The following PEX2 variants were observed in gnomAD, a reference collection of about 807,000 sequenced individuals.
PEX2 encodes the protein peroxisome biogenesis factor 2.
A neutral mutation model predicts 25.2 loss-of-function variants in PEX2; 19 were observed. The observed-to-expected ratio is 0.75, with a 90% confidence interval of 0.53 to 1.10. PEX2 has a LOEUF of 1.10. Among genes scored for constraint, PEX2 ranks in the 50% least tolerant of loss-of-function variants. The probability of loss-of-function intolerance (pLI) is 0.00; values close to 1 mark genes in which losing one functional copy is unlikely to be tolerated. For missense variants in PEX2, 347 were observed against 350.6 expected, an observed-to-expected ratio of 0.99 and a Z score of 0.08; for synonymous variants, 141 against 127.7, an observed-to-expected ratio of 1.10 and a Z score of -0.70.
intron 1 of PEX2, chr8:76,999,655 GA>G (rs1244403315): frequency 2.8e-6 from 1 of 362,494 alleles, no homozygotes; most frequent in Admixed American, 3.8e-5. Context: ...CCGTTTATAA[GA>G]GGTAAATATC....
In PEX2 at chr8:76,982,857, A is replaced by C. The variant is rs1278814154; in HGVS notation, c.*404T>G. The stretch of plus-strand genomic sequence containing the variant: ...CTGAGGCATCAGGTCTTAAGGTTTA[A>C]AACAGTCTCATAATTGTCACATTAT... On this transcript the variant is annotated 3_prime_UTR_variant, in exon 4 of 4. Coordinates refer to ENST00000357039, the MANE Select transcript of PEX2 (RefSeq NM_000318.3). 4.3e-6 allele frequency: 1 copy of C among 232,636 alleles called. No homozygotes were observed. Among genetic ancestry groups the C allele is most frequent in the Admixed American group, 5.3e-5 (1 of 18,710 alleles). The allele number at this position is 232,636 out of a possible 1,614,324, so 14.4% of individuals were successfully genotyped here.
At chr8:76,997,024 AT>A (rs1807353401) in intron 1 of PEX2, among the ~76,000 whole-genome samples, 2 of 152,226 alleles carry the variant, frequency 1.3e-5, no homozygotes, top group Non-Finnish European at 2.9e-5. Context: ...CTCAAAAGAA[AT>A]CTTTTTCCCC....
chr8:76,983,850 G>A lies in PEX2; in HGVS notation c.329C>T (p.Thr110Ile), dbSNP rs1300654495. 1 of 1,614,104 alleles carries A rather than the reference G, an allele frequency of 6.2e-7. No homozygotes were observed. The highest frequency in any genetic ancestry group is 8.5e-7 in the Non-Finnish European group (1 of 1,179,996). ...TTCTTCTAACCACCTGCCACCAATT[G>A]TACAAACAGCATACCAGATTTTTTG... ...KNQKIWYAVC[T>I]IGGRWLEERC... Residue 110 changes from threonine to isoleucine, a missense_variant, in exon 4 of 4, where the codon ACA becomes ATA. Coordinates refer to ENST00000357039, the MANE Select transcript of PEX2 (RefSeq NM_000318.3).
intron 1 of PEX2, among the ~76,000 whole-genome samples, chr8:76,994,079 G>C (rs1192273079): frequency 6.6e-6 from 1 of 152,058 alleles, no homozygotes; most frequent in Non-Finnish European, 1.5e-5. Flanking sequence ...ACTATTAAAA[G>C]GGTCTCCTGC....
chr8:76,986,696 C>A (rs4735749), intron 2 of PEX2, among the ~76,000 whole-genome samples: 78,069 of 152,056 alleles, frequency 0.51, 21,334 homozygotes, highest in Admixed American at 0.63. Flanking sequence ...AAAACTCATA[C>A]TAAGATTTTA....
At chr8:76,991,063 T>C (rs1170619291) in intron 1 of PEX2, among the ~76,000 whole-genome samples, 1 of 152,196 alleles carries the variant, frequency 6.6e-6, no homozygotes, top group Non-Finnish European at 1.5e-5. Context: ...GATGAAATCA[T>C]CAAACTATGC....
At position 76,981,548 on chromosome 8, in the gene PEX2, GCCTC is replaced by G. The variant is rs1229705460; in HGVS notation, c.*1709_*1712del. On this transcript the variant is annotated 3_prime_UTR_variant, in exon 4 of 4. Coordinates refer to ENST00000357039, the MANE Select transcript of PEX2 (RefSeq NM_000318.3). Reference sequence around the variant, plus strand: ...AAACGAACTCAAACTCCTGGGCTCAGCCTCCCTAAGTAGGGAGCCTGGGATTACA... The same window carrying G: ...AAACGAACTCAAACTCCTGGGCTCAGCCTAAGTAGGGAGCCTGGGATTACA... The G allele has an allele frequency of 6.6e-6, 1 of 152,126 alleles. No homozygotes were observed. The highest frequency in any genetic ancestry group is 2.4e-5 in the African/African-American group (1 of 41,430). The allele number at this position is 152,126 out of a possible 1,614,324, so 9.4% of individuals were successfully genotyped here. A position where few individuals can be genotyped will look rare whatever the true frequency, so the allele number is the denominator to read the frequency against.
intron 1 of PEX2, among the ~76,000 whole-genome samples, chr8:76,995,793 G>A (rs1012698157): frequency 2.0e-5 from 3 of 152,114 alleles, no homozygotes; most frequent in African/African-American, 4.8e-5. Flanking sequence ...ATGTTGGAGC[G>A]AGTATTGGGG....
chr8:76,980,832 T>A lies in PEX2; in HGVS notation c.*2429A>T, dbSNP rs978697296. 3.9e-5 allele frequency: 6 copies of A among 152,244 alleles called. No homozygotes were observed. The highest frequency in any genetic ancestry group is 1.4e-4 in the African/African-American group (6 of 41,470). The allele number at this position is 152,244 out of a possible 1,614,324, so 9.4% of individuals were successfully genotyped here. On this transcript the variant is annotated 3_prime_UTR_variant, in exon 4 of 4. Coordinates refer to ENST00000357039, the MANE Select transcript of PEX2 (RefSeq NM_000318.3). ...CAGGCATTGTTTTAAGAGCTTTATA[T>A]ACACTAAACATGTAATCCTTACAAT...
At chr8:76,990,478 T>C (rs566668795) in intron 1 of PEX2, among the ~76,000 whole-genome samples, 89 of 152,278 alleles carry the variant, frequency 5.8e-4, no homozygotes, top group African/African-American at 2.0e-3. Flanking sequence ...TCACTAAGCT[T>C]AGCAAAATCT....
At chr8:76,988,441 T>G (rs1439309584) in intron 1 of PEX2, 103 bp from the exon 2 acceptor site, 1 of 152,240 alleles carries the variant, frequency 6.6e-6, no homozygotes, top group South Asian at 2.1e-4. Flanking sequence ...CTATTAAGTG[T>G]GCAATAGCAC....
chr8:76,983,139 G>A lies in PEX2; in HGVS notation c.*122C>T. ...TTAGATTTCAGTCATGCCTGGAAAG[G>A]AGAAGACAGTGGCTAGGAGCACATT... is the stretch of plus-strand genomic sequence containing the variant. On this transcript the variant is annotated 3_prime_UTR_variant, in exon 4 of 4. Transcript: ENST00000357039. 3 of 1,572,746 alleles carry A rather than the reference G, an allele frequency of 1.9e-6. No homozygotes were observed. Among genetic ancestry groups the A allele is most frequent in the South Asian group, 1.2e-5 (1 of 86,598 alleles).
upstream of PEX2, chr8:77,000,873 G>A (rs1001637375): frequency 6.6e-6 from 1 of 152,358 alleles, no homozygotes; most frequent in African/African-American, 2.4e-5. Context: ...TCTGAGGGAA[G>A]AGTGCTCACC....
chr8:76,984,098 CTTG>C lies in PEX2; in HGVS notation c.78_80del (p.Asn26del), dbSNP rs1806932884. ...GGGACCAAACTAGCTGCTCCAGGGC[CTTG>C]TTTAGTTCAAGTGCATCCAACTGGC... On this transcript the variant is annotated inframe_deletion, in exon 4 of 4. Transcript: ENST00000357039. The C allele has an allele frequency of 6.2e-7, 1 of 1,613,486 alleles. No individual in the cohort carries two copies. Among genetic ancestry groups the C allele is most frequent in the Non-Finnish European group, 8.5e-7 (1 of 1,179,736 alleles).
intron 1 of PEX2, among the ~76,000 whole-genome samples, chr8:76,999,611 TAAGTA>T (rs1299586841): frequency 3.3e-5 from 5 of 152,334 alleles, no homozygotes; most frequent in African/African-American, 9.6e-5. Context: ...TTTCAGATAT[TAAGTA>T]AAGTTTGGAT....
upstream of PEX2, chr8:77,000,382 G>GACACTACTAGTGTCGAGC: frequency 6.4e-6 from 1 of 156,028 alleles, no homozygotes; most frequent in Non-Finnish European, 1.4e-5. Flanking sequence ...AAGTGTCGAG[G>GACACTACTAGTGTCGAGC]GGCCTAGGGG....
intron 1 of PEX2, among the ~76,000 whole-genome samples, chr8:76,999,510 G>A (rs4436101): frequency 6.6e-6 from 1 of 152,080 alleles, no homozygotes; most frequent in African/African-American, 2.4e-5. Context: ...TCCTCCATAA[G>A]AAAACCAAAC....
At position 76,982,350 on chromosome 8, in the gene PEX2, G is replaced by T. The variant is rs1393440802; in HGVS notation, c.*911C>A. On this transcript the variant is annotated 3_prime_UTR_variant, in exon 4 of 4. Coordinates refer to ENST00000357039, the MANE Select transcript of PEX2 (RefSeq NM_000318.3). ...CTCTGAATCAAAGGCAAGAGAAAGA[G>T]ACCTGTAAATAGTGCTGTTCATACT... The T allele has an allele frequency of 6.6e-6, 1 of 152,158 alleles. No individual in the cohort carries two copies. The highest frequency in any genetic ancestry group is 1.5e-5 in the Non-Finnish European group (1 of 68,042). 9.4% of individuals were successfully genotyped at this position (152,158 alleles called of 1,614,324 possible). A position where few individuals can be genotyped will look rare whatever the true frequency, so the allele number is the denominator to read the frequency against.
In PEX2 at chr8:76,994,417, A is replaced by C. The variant is rs149804076; in HGVS notation, c.-160+5573T>G. Among the ~76,000 whole-genome samples the C allele has an allele frequency of 1.6e-4, 24 of 152,278 alleles. 1 individual carries two copies. Among genetic ancestry groups the C allele is most frequent in the East Asian group, 1.2e-3 (6 of 5,186 alleles). On this transcript the variant is annotated intron_variant, in intron 1 of 3. Coordinates refer to ENST00000357039, the MANE Select transcript of PEX2 (RefSeq NM_000318.3). Reference sequence around the variant, plus strand: ...TATCAATAATAATGTGGGTATTGTCAAGGGCCTGTCAATATTAACGTAATT... The same window carrying C: ...TATCAATAATAATGTGGGTATTGTCCAGGGCCTGTCAATATTAACGTAATT...
Sources: allele counts gnomAD v4.1 joint callset (sites outside exome capture counted in the v4.1 genomes callset), GRCh38; gene constraint gnomAD v4.1.1; transcripts MANE v1.5; gene names NCBI Gene and HGNC (gene_info 2026-07-23, HGNC 2026-07-21).